Variants in TCF7L1 observed in about 807,000 individuals in gnomAD.
TCF7L1 encodes the protein transcription factor 7 like 1.
In TCF7L1, 18 loss-of-function variants were observed where a neutral mutation model predicts 63.7. That is an observed-to-expected ratio of 0.28 (90% CI 0.20 to 0.42). The LOEUF is 0.42. TCF7L1 is among the 10% of genes least tolerant of loss of function. The pLI is 1.00. For missense variants in TCF7L1, 654 were observed against 779.3 expected, an observed-to-expected ratio of 0.84 and a Z score of 1.91; for synonymous variants, 355 against 340.9, an observed-to-expected ratio of 1.04 and a Z score of -0.46.
rs142513692 is a variant in TCF7L1 at position 85,216,573 on chromosome 2, A to G, written c.442-66922A>G. ...AACATACCAGCCCACAAACATGTCC[A>G]TGCTTCCTTTTGCTTCTAGAAGGCG... On this transcript the variant is annotated intron_variant, in intron 3 of 11. Coordinates refer to ENST00000282111, the MANE Select transcript of TCF7L1 (RefSeq NM_031283.3). Among the ~76,000 whole-genome samples the G allele has an allele frequency of 2.4e-3, 363 of 152,268 alleles. 1 individual carries two copies. Among genetic ancestry groups the G allele is most frequent in the African/African-American group, 8.4e-3 (349 of 41,562 alleles).
intron 3 of TCF7L1, among the ~76,000 whole-genome samples, chr2:85,191,015 T>C (rs1305841255): frequency 2.0e-5 from 3 of 151,066 alleles, no homozygotes; most frequent in African/African-American, 7.2e-5. Flanking sequence ...GTTATCTTTA[T>C]AATTTCTCCT....
At chr2:85,246,135 C>A (rs187021231) in intron 3 of TCF7L1, among the ~76,000 whole-genome samples, 2 of 152,296 alleles carry the variant, frequency 1.3e-5, no homozygotes, top group East Asian at 3.9e-4. Context: ...ACAGTGCCAT[C>A]CCGGCAAGTG....
At chr2:85,279,707 G>C (rs150600289) in intron 3 of TCF7L1, among the ~76,000 whole-genome samples, 13 of 152,164 alleles carry the variant, frequency 8.5e-5, no homozygotes, top group African/African-American at 2.9e-4. Context: ...AAATAGAAAA[G>C]GGAAAGTCAC....
At chr2:85,151,483 T>C (rs1301573925) in intron 3 of TCF7L1, among the ~76,000 whole-genome samples, 2 of 152,224 alleles carry the variant, frequency 1.3e-5, no homozygotes, top group African/African-American at 2.4e-5. Flanking sequence ...AGATACTGAT[T>C]ATCTCTCTGT....
At chr2:85,228,377 C>T (rs1382662641) in intron 3 of TCF7L1, among the ~76,000 whole-genome samples, 1 of 152,166 alleles carries the variant, frequency 6.6e-6, no homozygotes, top group African/African-American at 2.4e-5. Flanking sequence ...GCCGTGATTG[C>T]ACCACTGTAC....
At chr2:85,142,330 G>T (rs2104188810) in intron 3 of TCF7L1, among the ~76,000 whole-genome samples, 1 of 151,390 alleles carries the variant, frequency 6.6e-6, no homozygotes, top group African/African-American at 2.4e-5. Flanking sequence ...GAGGTGGGAG[G>T]ATCACTTGAG....
At chr2:85,164,815 C>T (rs557940473) in intron 3 of TCF7L1, among the ~76,000 whole-genome samples, 1 of 152,080 alleles carries the variant, frequency 6.6e-6, no homozygotes, top group Non-Finnish European at 1.5e-5. Context: ...TACATGAAAG[C>T]AAAGTTAATT....
In TCF7L1 at chr2:85,148,771, AT is replaced by A. The variant is rs775984491; in HGVS notation, c.441+14341del. Among the ~76,000 whole-genome samples the A allele has an allele frequency of 7.7e-3, 962 of 125,010 alleles. 4 individuals are homozygous for A. Among genetic ancestry groups the A allele is most frequent in the African/African-American group, 0.023 (767 of 33,254 alleles). The allele number at this position is 125,010 out of a possible 152,430, so 82.0% of individuals were successfully genotyped here. On this transcript the variant is annotated intron_variant, in intron 3 of 11. Coordinates refer to ENST00000282111, the MANE Select transcript of TCF7L1 (RefSeq NM_031283.3). ...AGTGGATCTTTTCTTACAGTATTTA[AT>A]TTTTTTTTTTTTTTTTTTTGAGACG...
intron 3 of TCF7L1, among the ~76,000 whole-genome samples, chr2:85,243,552 G>A (rs1573007051): frequency 1.3e-5 from 2 of 152,274 alleles, no homozygotes; most frequent in East Asian, 3.9e-4. Flanking sequence ...TTTCGGAATT[G>A]TCTGGGTGTG....
intron 3 of TCF7L1, among the ~76,000 whole-genome samples, chr2:85,174,768 G>T (rs548194768): frequency 6.6e-6 from 1 of 152,148 alleles, no homozygotes; most frequent in Non-Finnish European, 1.5e-5. Flanking sequence ...TGGTTTCTTC[G>T]CAGTCTATGC....
chr2:85,243,083 T>C (rs2104326922), intron 3 of TCF7L1, among the ~76,000 whole-genome samples: 1 of 152,348 alleles, frequency 6.6e-6, no homozygotes, highest in South Asian at 2.1e-4. Context: ...GCAGGATTGG[T>C]AGGCATTCAG....
Position 85,306,449 on chromosome 2 carries a change from C to A in TCF7L1, c.1150-3C>A. 6.2e-7 allele frequency: 1 copy of A among 1,614,108 alleles called. No homozygotes were observed. The highest frequency in any genetic ancestry group is 8.5e-7 in the Non-Finnish European group (1 of 1,180,004). ...GTGTGGTCTCTGACCCTCTCTCCCCCAGTGGCACAACCTGTCTCGAGAAGA... is the reference window on the plus strand; with the variant it reads ...GTGTGGTCTCTGACCCTCTCTCCCCAAGTGGCACAACCTGTCTCGAGAAGA... On this transcript the variant is annotated splice_polypyrimidine_tract_variant and splice_region_variant and intron_variant, in intron 9 of 11. Transcript: ENST00000282111. The surrounding 1 kb of genome is among the most constrained non-coding windows in gnomAD (Gnocchi z 4.3).
chr2:85,255,080 C>A (rs74954513), intron 3 of TCF7L1, among the ~76,000 whole-genome samples: 1 of 152,088 alleles, frequency 6.6e-6, no homozygotes. Context: ...TCTGATGATG[C>A]GCCCAGTCTG....
chr2:85,243,460 C>T (rs762024049), intron 3 of TCF7L1, among the ~76,000 whole-genome samples: 7 of 151,982 alleles, frequency 4.6e-5, no homozygotes, highest in Non-Finnish European at 8.8e-5. Flanking sequence ...GTGCAGGGTT[C>T]GAGGGGAAGG....
intron 3 of TCF7L1, among the ~76,000 whole-genome samples, chr2:85,201,577 CA>C (rs1679274312): frequency 6.6e-6 from 1 of 152,142 alleles, no homozygotes; most frequent in South Asian, 2.1e-4. Flanking sequence ...AGTGGATCTA[CA>C]AAGTTCAAAC....
At chr2:85,165,886 C>T (rs978562343) in intron 3 of TCF7L1, among the ~76,000 whole-genome samples, 4 of 152,172 alleles carry the variant, frequency 2.6e-5, no homozygotes, top group Non-Finnish European at 5.9e-5. Context: ...TGACACATTA[C>T]TGTTAACTAG....
At chr2:85,188,438 C>T (rs1023711652) in intron 3 of TCF7L1, among the ~76,000 whole-genome samples, 2 of 152,138 alleles carry the variant, frequency 1.3e-5, no homozygotes, top group Non-Finnish European at 2.9e-5. Flanking sequence ...TTCCAACTTC[C>T]TATGAATCTA....
rs190672249 is a variant in TCF7L1 at position 85,245,846 on chromosome 2, A to C, written c.442-37649A>C. ...AAATTAATTAATTAAAAAAAAAAAA[A>C]AACAGACCAACAGTTGCCCATAGAC... On this transcript the variant is annotated intron_variant, in intron 3 of 11. Coordinates refer to ENST00000282111, the MANE Select transcript of TCF7L1 (RefSeq NM_031283.3). Among the ~76,000 whole-genome samples, 624 of 151,984 alleles carry C rather than the reference A, an allele frequency of 4.1e-3. 8 individuals carry two copies. The highest frequency in any genetic ancestry group is 0.014 in the African/African-American group (591 of 41,466).
intron 5 of TCF7L1, among the ~76,000 whole-genome samples, 186 bp downstream of exon 5, chr2:85,302,802 C>T (rs1218641755): frequency 6.6e-6 from 1 of 151,984 alleles, no homozygotes; most frequent in African/African-American, 2.4e-5. Context: ...CTCCCCTGTA[C>T]CTTCTCCACC....
Sources: allele counts gnomAD v4.1 joint callset (sites outside exome capture counted in the v4.1 genomes callset), GRCh38; gene constraint gnomAD v4.1.1; non-coding constraint Gnocchi (gnomAD v3.1); transcripts MANE v1.5; gene names NCBI Gene and HGNC (gene_info 2026-07-23, HGNC 2026-07-21).